The following NREP variants were observed in gnomAD, a reference collection of about 807,000 sequenced individuals.
The protein encoded by NREP is neuronal regeneration related protein.
NREP carries 5 observed loss-of-function variants against 8.6 expected under a neutral mutation model. That is an observed-to-expected ratio of 0.58 (90% CI 0.30 to 1.22). The LOEUF (loss-of-function observed/expected upper bound fraction) is 1.22. NREP is among the 50% of genes most tolerant of loss of function. NREP has a pLI of 0.07. For missense variants in NREP, 86 were observed against 82.5 expected (o/e 1.04, Z -0.17); for synonymous variants, 27 against 28.0 (o/e 0.96, Z 0.11).
At chr5:111,796,462 A>T (rs966758044) in intron 2 of NREP, among the ~76,000 whole-genome samples, 7 of 152,200 alleles carry the variant, frequency 4.6e-5, no homozygotes, top group African/African-American at 1.7e-4. Flanking sequence ...ACCTATCACA[A>T]CCACTATATT....
intron 2 of NREP, among the ~76,000 whole-genome samples, chr5:111,894,093 C>T (rs751773604): frequency 6.6e-6 from 1 of 151,918 alleles, no homozygotes; most frequent in Non-Finnish European, 1.5e-5. Context: ...GTGGCAGGCA[C>T]CTGTAATGCC....
intron 2 of NREP, among the ~76,000 whole-genome samples, chr5:111,800,523 C>T (rs1043319727): frequency 3.9e-5 from 6 of 152,178 alleles, no homozygotes; most frequent in Admixed American, 6.5e-5. Flanking sequence ...GGAATGATAG[C>T]GCATGTGTGG....
chr5:111,747,615 C>T (rs1263662179), intron 2 of NREP, among the ~76,000 whole-genome samples: 1 of 152,114 alleles, frequency 6.6e-6, no homozygotes, highest in Non-Finnish European at 1.5e-5. Context: ...TTTGGCTTGG[C>T]ATTTTTATTG....
intron 2 of NREP, among the ~76,000 whole-genome samples, chr5:111,908,865 T>A (rs1386956157): frequency 6.6e-6 from 1 of 152,094 alleles, no homozygotes; most frequent in Non-Finnish European, 1.5e-5. Context: ...CATTCCCTTT[T>A]CTCTGCAGCC....
intron 2 of NREP, among the ~76,000 whole-genome samples, chr5:111,941,502 G>A (rs1398332447): frequency 2.0e-5 from 3 of 152,032 alleles, no homozygotes; most frequent in South Asian, 2.1e-4. Flanking sequence ...ACCTGTTTGT[G>A]TCCTCCTCTG....
intron 2 of NREP, among the ~76,000 whole-genome samples, chr5:111,902,079 A>G (rs181713557): frequency 1.4e-3 from 211 of 152,312 alleles, no homozygotes; most frequent in South Asian, 5.8e-3. Flanking sequence ...CCAAAACAGC[A>G]TAGTACTGGC....
intron 2 of NREP, among the ~76,000 whole-genome samples, chr5:111,826,777 C>G (rs941567097): frequency 1.3e-4 from 20 of 152,164 alleles, no homozygotes; most frequent in African/African-American, 4.8e-4. Context: ...TCAAGTGATC[C>G]ACCTGTCTTG....
chr5:111,946,670 C>T (rs779621801), intron 2 of NREP, among the ~76,000 whole-genome samples: 25 of 151,954 alleles, frequency 1.6e-4, no homozygotes, highest in Admixed American at 3.9e-4. Flanking sequence ...GGCTGACACC[C>T]GTGTAGAGGG....
intron 2 of NREP, among the ~76,000 whole-genome samples, chr5:111,794,252 C>T (rs1313590059): frequency 6.6e-6 from 1 of 152,186 alleles, no homozygotes; most frequent in Non-Finnish European, 1.5e-5. Context: ...TTTGGGAAGA[C>T]AGTTTGACAG....
At chr5:111,853,828 G>T (rs1753364069) in intron 2 of NREP, among the ~76,000 whole-genome samples, 1 of 152,078 alleles carries the variant, frequency 6.6e-6, no homozygotes, top group Non-Finnish European at 1.5e-5. Flanking sequence ...GCTTATAAGT[G>T]TGTCCCTCTC....
In NREP at chr5:111,736,401, A is replaced by C. The variant is rs1394316781; in HGVS notation, c.4-894T>G. Among the ~76,000 whole-genome samples, 6 of 152,202 alleles carry C rather than the reference A, an allele frequency of 3.9e-5. No homozygotes were observed. The East Asian group carries it at 1.2e-3, about 29-fold the overall frequency. On this transcript the variant is annotated intron_variant, in intron 2 of 3. Coordinates refer to ENST00000257435, the MANE Select transcript of NREP (RefSeq NM_004772.4). Reference sequence around the variant, plus strand: ...ATAGTTCTGATTGAAAGCAGAGTGAAATTAGGTAAGATTCCCTCCAGATCA... The same window carrying C: ...ATAGTTCTGATTGAAAGCAGAGTGACATTAGGTAAGATTCCCTCCAGATCA...
intron 2 of NREP, among the ~76,000 whole-genome samples, chr5:111,850,503 C>A (rs1268989097): frequency 6.6e-6 from 1 of 152,126 alleles, no homozygotes; most frequent in Non-Finnish European, 1.5e-5. Flanking sequence ...ACTTCTTGGG[C>A]CTGTCTTTTC....
intron 2 of NREP, among the ~76,000 whole-genome samples, chr5:111,815,682 G>A (rs1230439962): frequency 6.6e-6 from 1 of 151,934 alleles, no homozygotes; most frequent in East Asian, 1.9e-4. Context: ...GGACATGGAA[G>A]ATGGATCAGT....
At chr5:111,846,870 G>T (rs1271108170) in intron 2 of NREP, among the ~76,000 whole-genome samples, 2 of 152,088 alleles carry the variant, frequency 1.3e-5, no homozygotes, top group African/African-American at 4.8e-5. Flanking sequence ...AAGAGAATTT[G>T]ATTAGAAACC....
intron 2 of NREP, among the ~76,000 whole-genome samples, chr5:111,754,059 C>T (rs1473582299): frequency 6.6e-6 from 1 of 152,190 alleles, no homozygotes. Flanking sequence ...AAGGGACTGA[C>T]ATCTTGATGA....
intron 2 of NREP, among the ~76,000 whole-genome samples, chr5:111,838,189 C>G (rs1001326623): frequency 5.9e-5 from 9 of 152,162 alleles, no homozygotes; most frequent in Non-Finnish European, 1.0e-4. Context: ...GATATAAACT[C>G]TATTAATGAG....
At chr5:111,757,430 C>G (rs1311735442), upstream of NREP, 4 of 983,932 alleles carry the variant, frequency 4.1e-6, no homozygotes, top group East Asian at 3.4e-4. Flanking sequence ...CTAAGAGTCT[C>G]TCTCTCTCCC....
chr5:111,788,575 G>A (rs1007493809), intron 2 of NREP, among the ~76,000 whole-genome samples: 1 of 152,206 alleles, frequency 6.6e-6, no homozygotes, highest in African/African-American at 2.4e-5. Flanking sequence ...AGAATTCCTG[G>A]AAAAGCCAGG....
intron 2 of NREP, among the ~76,000 whole-genome samples, chr5:111,870,290 G>A (rs1272738786): frequency 1.1e-4 from 16 of 152,070 alleles, no homozygotes; most frequent in Admixed American, 3.3e-4. Context: ...TCAGCCAGGC[G>A]TGGTGGCACA....
Sources: allele counts gnomAD v4.1 joint callset (sites outside exome capture counted in the v4.1 genomes callset), GRCh38; gene constraint gnomAD v4.1.1; transcripts MANE v1.5; gene names NCBI Gene and HGNC (gene_info 2026-07-23, HGNC 2026-07-21).